Variants in ZNF536 observed in about 807,000 individuals in gnomAD.
The protein encoded by ZNF536 is zinc finger protein 536.
ZNF536 carries 13 observed loss-of-function variants against 84.5 expected under a neutral mutation model. The ratio of observed to expected loss-of-function variants is 0.15; its 90% CI spans 0.10 to 0.24. The LOEUF is 0.24. ZNF536 is among the 10% of genes least tolerant of loss of function. The pLI, the probability that ZNF536 is intolerant of heterozygous loss-of-function variation, is 1.00. For synonymous variants in ZNF536, 811 were observed against 742.5 expected, an observed-to-expected ratio of 1.09 and a Z score of -1.50; for missense variants, 1,536 against 1,747.5, an observed-to-expected ratio of 0.88 and a Z score of 2.16.
chr19:30,456,308 C>CTTTTTTTTTTTT (rs11301441), intron 2 of ZNF536, among the ~76,000 whole-genome samples: 14 of 108,076 alleles, frequency 1.3e-4, no homozygotes, highest in Non-Finnish European at 1.5e-4. Context: ...TGTTTCTTTT[C>CTTTTTTTTTTTT]TTTTTTTTTT....
At chr19:30,266,861 C>T (rs996650636) in intron 1 of ZNF536, among the ~76,000 whole-genome samples, 2 of 152,112 alleles carry the variant, frequency 1.3e-5, no homozygotes, top group South Asian at 2.1e-4. Flanking sequence ...CACACGCACT[C>T]ACACACATCT....
intron 1 of ZNF536, among the ~76,000 whole-genome samples, chr19:30,425,476 G>T (rs766058469): frequency 6.6e-6 from 1 of 152,134 alleles, no homozygotes; most frequent in South Asian, 2.1e-4. Context: ...TCAGCCTCAG[G>T]TGCTGTTTGA....
At chr19:30,422,025 AG>A (rs2050982252) in intron 1 of ZNF536, among the ~76,000 whole-genome samples, 1 of 152,204 alleles carries the variant, frequency 6.6e-6, no homozygotes, top group African/African-American at 2.4e-5. Flanking sequence ...AAATATTAGC[AG>A]GGGTACAAAA....
rs148003946 is a variant in ZNF536 at position 30,260,744 on chromosome 19, C to T, written c.-189-23328C>T. 5.5e-3 allele frequency among the ~76,000 whole-genome samples: 833 copies of T among 152,274 alleles called. 6 individuals carry two copies. Among genetic ancestry groups the T allele is most frequent in the African/African-American group, 0.019 (810 of 41,560 alleles). On this transcript the variant is annotated intron_variant, in intron 1 of 5. Coordinates refer to the ZNF536 transcript ENST00000585628. ...GGCCACCATACTTGGTAGAGTCTAG[C>T]GAACCTGCAAAGGCTTCAGCCCCCG...
intron 1 of ZNF536, among the ~76,000 whole-genome samples, chr19:30,617,332 A>G (rs929719146): frequency 5.5e-5 from 1 of 18,294 alleles, no homozygotes; most frequent in East Asian, 1.5e-3. Flanking sequence ...TGAATAGCTT[A>G]CTTTTTTTTT....
In ZNF536 at chr19:30,549,319, C is replaced by T. The variant is rs146045772; in HGVS notation, c.3700C>T (p.His1234Tyr). 6.2e-7 allele frequency: 1 copy of T among 1,611,672 alleles called. No homozygotes were observed. Among genetic ancestry groups the T allele is most frequent in the East Asian group, 2.2e-5 (1 of 44,832 alleles). The change falls in exon 4 of 5, where the codon CAC (histidine) becomes TAC (tyrosine). Residue 1234 changes from histidine to tyrosine, a missense_variant. His to Tyr is a moderately conservative substitution (Grantham distance 83, BLOSUM62 2). Around this residue, in one of 8 missense-constraint regions of ZNF536, gnomAD observed 624 missense variants for 603.1 expected, o/e 1.03. Transcript: ENST00000355537. ...ATCCCAAGCACCGGAGAAGCAGTGGCACAGCCAGGGTCTTCTCCAAGCCCA... is the reference window on the plus strand; with the variant it reads ...ATCCCAAGCACCGGAGAAGCAGTGGTACAGCCAGGGTCTTCTCCAAGCCCA... ...PLSQAPEKQW[H>Y]SQGLLQAQDP...
chr19:30,558,422 G>A (rs1310870716), downstream of ZNF536, among the ~76,000 whole-genome samples: 3 of 152,170 alleles, frequency 2.0e-5, no homozygotes, highest in African/African-American at 4.8e-5. Flanking sequence ...ACTTGGGCAC[G>A]GAGTATGCCG....
intron 1 of ZNF536, among the ~76,000 whole-genome samples, chr19:30,570,385 G>A (rs1051196938): frequency 3.9e-5 from 6 of 152,162 alleles, no homozygotes; most frequent in Admixed American, 3.3e-4. Flanking sequence ...CGTGGGGTAC[G>A]GAGAGGGTGG....
intron 1 of ZNF536, among the ~76,000 whole-genome samples, chr19:30,666,381 C>T (rs544201915): frequency 1.3e-5 from 2 of 152,284 alleles, no homozygotes; most frequent in African/African-American, 4.8e-5. Context: ...TCTTTTCTCC[C>T]TCCCTTTCCC....
chr19:30,447,652 C>T (rs2052415764), intron 2 of ZNF536, among the ~76,000 whole-genome samples: 1 of 152,178 alleles, frequency 6.6e-6, no homozygotes, highest in Non-Finnish European at 1.5e-5. Flanking sequence ...AGATAGATCC[C>T]TACTTGAGAG....
chr19:30,384,208 C>CT (rs1171314199), intron 1 of ZNF536, among the ~76,000 whole-genome samples: 24,581 of 45,966 alleles, frequency 0.53, 9,311 homozygotes, highest in Non-Finnish European at 0.66. Flanking sequence ...TCCTTCCATC[C>CT]TCCCTCCCTC....
Position 30,499,526 on chromosome 19 carries a change from A to G in ZNF536, c.2171-35321A>G, listed in dbSNP as rs981967441. On this transcript the variant is annotated intron_variant, in intron 2 of 4. Transcript: ENST00000355537. ...TATCTGTCTATGTATCCATATAGCT[A>G]TCTATATTTATATGTATATGTGTGT... is the stretch of plus-strand genomic sequence containing the variant. 4.6e-5 allele frequency among the ~76,000 whole-genome samples: 7 copies of G among 152,304 alleles called. 1 individual carries two copies. The South Asian group carries it at 1.2e-3, about 27-fold the overall frequency.
intron 1 of ZNF536, among the ~76,000 whole-genome samples, chr19:30,271,299 CT>C (rs781528411): frequency 0.028 from 3,158 of 111,834 alleles, 81 homozygotes; most frequent in African/African-American, 0.097. Flanking sequence ...TTTTTCTTTT[CT>C]TTTTTTTTTT....
At chr19:30,340,457 G>A (rs185433547) in intron 2 of ZNF536, among the ~76,000 whole-genome samples, 2 of 152,148 alleles carry the variant, frequency 1.3e-5, no homozygotes, top group South Asian at 2.1e-4. Flanking sequence ...GCTTGGACTC[G>A]ATGCATAATC....
chr19:30,611,666 C>T (rs1012511980), intron 1 of ZNF536, among the ~76,000 whole-genome samples: 10 of 152,198 alleles, frequency 6.6e-5, no homozygotes, highest in East Asian at 3.9e-4. Context: ...TGACATGGCG[C>T]GTACTATTTC....
chr19:30,623,646 G>C (rs1314688294), intron 1 of ZNF536, among the ~76,000 whole-genome samples: 1 of 152,100 alleles, frequency 6.6e-6, no homozygotes, highest in Non-Finnish European at 1.5e-5. Flanking sequence ...ACCTTTTCTG[G>C]GTCTTTGTTC....
At chr19:30,230,465 C>A (rs2022948697) in intron 1 of ZNF536, among the ~76,000 whole-genome samples, 1 of 152,176 alleles carries the variant, frequency 6.6e-6, no homozygotes, top group South Asian at 2.1e-4. Context: ...TCTGAGCAGG[C>A]TGGAGATCTT....
intron 1 of ZNF536, among the ~76,000 whole-genome samples, chr19:30,655,025 C>A (rs1235066264): frequency 6.6e-6 from 1 of 152,222 alleles, no homozygotes; most frequent in Admixed American, 6.5e-5. Context: ...CCTGAGGCAC[C>A]TGGCTGTGCT....
chr19:30,710,204 A>T (rs905386035), intron 1 of ZNF536, among the ~76,000 whole-genome samples: 7 of 152,146 alleles, frequency 4.6e-5, no homozygotes, highest in Non-Finnish European at 8.8e-5. Flanking sequence ...AAAAATTCAG[A>T]TATGGGGAGA....
Sources: allele counts gnomAD v4.1 joint callset (sites outside exome capture counted in the v4.1 genomes callset), GRCh38; gene constraint gnomAD v4.1.1; regional missense constraint gnomAD v4.1.1; transcripts MANE v1.5; gene names NCBI Gene and HGNC (gene_info 2026-07-23, HGNC 2026-07-21).